CHM: variants seen among roughly 807,000 people sequenced by gnomAD.
CHM encodes the protein rab proteins geranylgeranyltransferase component A 1.
A neutral mutation model predicts 49.0 loss-of-function variants in CHM; 10 were observed. That is an observed-to-expected ratio of 0.20 (90% CI 0.13 to 0.35). The LOEUF is 0.35. Among genes scored for constraint, CHM ranks in the 10% least tolerant of loss-of-function variants. CHM has a pLI of 1.00. For synonymous variants in CHM, 184 were observed against 167.5 expected (o/e 1.10, Z -0.76); for missense variants, 455 against 478.4 (o/e 0.95, Z 0.46).
chrX:86,025,439 A>G (rs1303233095), intron 2 of CHM, among the ~76,000 whole-genome samples: 1 of 110,855 alleles, frequency 9.0e-6, no homozygotes, highest in African/African-American at 3.3e-5. Flanking sequence ...CTGTAATCCC[A>G]GCATTTTGGG....
At chrX:86,033,021 C>T (rs1357824992) in intron 1 of CHM, among the ~76,000 whole-genome samples, 1 of 111,411 alleles carries the variant, frequency 9.0e-6, no homozygotes, top group Admixed American at 9.6e-5. Flanking sequence ...AAAATCAGGA[C>T]CCAAGAACCT....
In CHM at chrX:85,957,957, C is replaced by G. The variant is rs139655348; in HGVS notation, c.838G>C (p.Asp280His). The G allele has an allele frequency of 1.3e-5, 16 of 1,209,085 alleles. No individual in the cohort carries two copies. In the African/African-American group the frequency reaches 2.6e-4, roughly 20 times the overall value. Residue 280 changes from aspartate to histidine, a missense_variant, in exon 7 of 15, where the codon GAT becomes CAT. Transcript: ENST00000357749. ...GTAAGTTGTTTGCTATTAAAGACATCTGCTCTGGAACACGGAACCTGAAAA... is the reference window on the plus strand; with the variant it reads ...GTAAGTTGTTTGCTATTAAAGACATGTGCTCTGGAACACGGAACCTGAAAA... Reference protein sequence around the residue: ...RVEQVPCSRADVFNSKQLTMV... With the variant: ...RVEQVPCSRAHVFNSKQLTMV...
At chrX:85,978,357 G>A (rs889034203) in intron 4 of CHM, among the ~76,000 whole-genome samples, 8 of 111,439 alleles carry the variant, frequency 7.2e-5, no homozygotes, top group Admixed American at 5.7e-4. Flanking sequence ...GAAAAACTCT[G>A]GAATTTAATC....
At chrX:85,997,684 G>A (rs1249853901) in intron 2 of CHM, among the ~76,000 whole-genome samples, 1 of 111,166 alleles carries the variant, frequency 9.0e-6, no homozygotes, top group Admixed American at 9.6e-5. Flanking sequence ...GGGCGGTGGC[G>A]GTGGCTCACA....
At chrX:85,962,719 T>C (rs572684040) in intron 5 of CHM, among the ~76,000 whole-genome samples, 2 of 112,012 alleles carry the variant, frequency 1.8e-5, no homozygotes, top group African/African-American at 6.5e-5. Flanking sequence ...TCTCTACTTT[T>C]ACCCTGTCCT....
At chrX:85,955,395 A>AT (rs1004101565) in intron 8 of CHM, among the ~76,000 whole-genome samples, 2 of 111,936 alleles carry the variant, frequency 1.8e-5, no homozygotes, top group Non-Finnish European at 3.8e-5. Flanking sequence ...AAAAATAAAA[A>AT]TTTTTAAAAA....
intron 1 of CHM, among the ~76,000 whole-genome samples, chrX:86,040,390 C>T (rs1167313251): frequency 8.9e-6 from 1 of 112,206 alleles, no homozygotes; most frequent in Non-Finnish European, 1.9e-5. Flanking sequence ...ACAAGAGCGG[C>T]AGGCTGACTC....
rs748939001 is a variant in CHM, at chrX:85,902,244, A to G, written c.1245-1056T>C. On this transcript the variant is annotated intron_variant, in intron 9 of 14. Coordinates refer to ENST00000357749, the MANE Select transcript of CHM (RefSeq NM_000390.4). ...AAAGCATACTGTAAAATATACTGGT[A>G]TAAGTTAAAATCTGTTCATTCACTT... Among the ~76,000 whole-genome samples the G allele has an allele frequency of 7.1e-5, 8 of 111,966 alleles. No homozygotes were observed. In the East Asian group the frequency reaches 2.2e-3, roughly 31 times the overall value.
At chrX:85,927,593 T>C (rs1463193884) in intron 8 of CHM, among the ~76,000 whole-genome samples, 1 of 112,355 alleles carries the variant, frequency 8.9e-6, no homozygotes, top group Non-Finnish European at 1.9e-5. Flanking sequence ...ATTCAGATAA[T>C]TGCGTATATC....
chrX:85,981,989 A>G (rs1383282798), intron 2 of CHM, among the ~76,000 whole-genome samples, 180 bp from the exon 3 acceptor site: 1 of 111,528 alleles, frequency 9.0e-6, no homozygotes, highest in Non-Finnish European at 1.9e-5. Flanking sequence ...GTAGGCTAAA[A>G]GTAGGCCTCT....
chrX:85,870,233 A>T (rs1412498550), intron 14 of CHM, among the ~76,000 whole-genome samples: 4 of 112,109 alleles, frequency 3.6e-5, no homozygotes, highest in Non-Finnish European at 7.5e-5. Context: ...TATATATGAG[A>T]TGCTAAGGAT....
chrX:85,895,003 T>C (rs1232740497), intron 11 of CHM, among the ~76,000 whole-genome samples: 1 of 111,466 alleles, frequency 9.0e-6, no homozygotes, highest in African/African-American at 3.3e-5. Context: ...AAATTCAGAA[T>C]CAAAAGTAAA....
chrX:85,942,606 G>C, intron 8 of CHM, among the ~76,000 whole-genome samples: 1 of 110,951 alleles, frequency 9.0e-6, no homozygotes, highest in South Asian at 3.8e-4. Context: ...TTCAATAATC[G>C]AGCTTCACAC....
chrX:85,930,712 A>G (rs184849704), intron 8 of CHM, among the ~76,000 whole-genome samples: 14 of 111,826 alleles, frequency 1.3e-4, no homozygotes, highest in African/African-American at 4.5e-4. Flanking sequence ...ACACACAAAG[A>G]GACAGAGAGA....
chrX:85,864,764 T>C lies in CHM; in HGVS notation c.1828A>G (p.Asn610Asp), dbSNP rs754851069. The C allele has an allele frequency of 9.9e-6, 12 of 1,207,451 alleles. No individual in the cohort carries two copies. Among genetic ancestry groups the C allele is most frequent in the Middle Eastern group, 2.3e-4 (1 of 4,364 alleles). ...PNEDFCPPPPNPEDIILDGDS... is the reference protein window; with the variant it reads ...PNEDFCPPPPDPEDIILDGDS... ...CCATCAAGGATAATGTCTTCAGGAT[T>C]TGGTGGAGGGGGACAGAAATCTTCA... Residue 610 changes from asparagine (N) to aspartate (D), a missense_variant, in exon 15 of 15, where the codon AAT becomes GAT. Transcript: ENST00000357749.
At chrX:85,995,596 G>A (rs992729201) in intron 2 of CHM, among the ~76,000 whole-genome samples, 4 of 111,991 alleles carry the variant, frequency 3.6e-5, no homozygotes, top group African/African-American at 9.7e-5. Flanking sequence ...CCCTTAATAC[G>A]CATGTGACAT....
chrX:85,932,926 T>C (rs766802334), intron 8 of CHM, among the ~76,000 whole-genome samples: 1 of 112,005 alleles, frequency 8.9e-6, no homozygotes, highest in Non-Finnish European at 1.9e-5. Context: ...ACACTTGTTA[T>C]AGGATCACTA....
chrX:85,903,282 A>C (rs1249763067), intron 9 of CHM, among the ~76,000 whole-genome samples: 1 of 111,346 alleles, frequency 9.0e-6, no homozygotes, highest in African/African-American at 3.3e-5. Flanking sequence ...TGTTCATCAT[A>C]AAATGTTAAA....
chrX:85,984,342 T>C (rs1365666815), intron 2 of CHM, among the ~76,000 whole-genome samples: 2 of 111,673 alleles, frequency 1.8e-5, no homozygotes, highest in Non-Finnish European at 3.8e-5. Flanking sequence ...AAGAACATGG[T>C]TAATGAGCAC....
Sources: allele counts gnomAD v4.1 joint callset (sites outside exome capture counted in the v4.1 genomes callset), GRCh38; gene constraint gnomAD v4.1.1; transcripts MANE v1.5; gene names NCBI Gene and HGNC (gene_info 2026-07-23, HGNC 2026-07-21).